Variants in DEAF1 observed in about 807,000 individuals in gnomAD.
DEAF1 encodes the protein DEAF1 transcription factor, also known as deformed epidermal autoregulatory factor 1 homolog.
Under a neutral mutation model 58.9 loss-of-function variants are expected in DEAF1, and 53 were observed. The ratio of observed to expected loss-of-function variants is 0.90; its 90% CI spans 0.72 to 1.13. The LOEUF is 1.13. DEAF1 is among the 50% of genes most tolerant of loss of function. DEAF1 has a pLI of 0.00. For synonymous variants in DEAF1, 385 were observed against 340.4 expected (o/e 1.13, Z -1.44); for missense variants, 685 against 791.4 (o/e 0.87, Z 1.61).
At chr11:675,775 G>A (rs552577952) in intron 9 of DEAF1, among the ~76,000 whole-genome samples, 3 of 152,192 alleles carry the variant, frequency 2.0e-5, no homozygotes, top group Non-Finnish European at 2.9e-5. Flanking sequence ...AGCCGAGATG[G>A]TGCCAGTGGA....
At position 680,339 on chromosome 11, in the gene DEAF1, A is replaced by G. The variant is rs536565735; in HGVS notation, c.998-523T>C. Among the ~76,000 whole-genome samples, 5 of 152,356 alleles carry G rather than the reference A, an allele frequency of 3.3e-5. No individual in the cohort carries two copies. In the East Asian group the frequency reaches 9.6e-4, roughly 29 times the overall value. On this transcript the variant is annotated intron_variant, in intron 7 of 11. Transcript: ENST00000382409. ...GGAAGGAGCTGACAGGGTGTTTTAGAAAGACCTTACTCTATAAATGCAAAA... is the reference window on the plus strand; with the variant it reads ...GGAAGGAGCTGACAGGGTGTTTTAGGAAGACCTTACTCTATAAATGCAAAA...
At chr11:702,843 C>A in intron 1 of DEAF1, 1 of 1,157,978 alleles carries the variant, frequency 8.6e-7, no homozygotes, top group Non-Finnish European at 1.2e-6. Flanking sequence ...GAACGTAGGG[C>A]AAGGAGCTGC....
intron 11 of DEAF1, among the ~76,000 whole-genome samples, chr11:647,412 G>A (rs1012350100): frequency 3.3e-5 from 5 of 151,524 alleles, no homozygotes; most frequent in African/African-American, 9.7e-5. Flanking sequence ...CCAAGATCGC[G>A]CCGCTGCACT....
intron 10 of DEAF1, among the ~76,000 whole-genome samples, chr11:661,323 A>G (rs1306482131): frequency 1.3e-5 from 2 of 151,988 alleles, no homozygotes; most frequent in Non-Finnish European, 2.9e-5. Context: ...AGCTCATTAC[A>G]TACACACGAA....
Position 644,776 on chromosome 11 carries a change from T to C in DEAF1, c.1594-122A>G, listed in dbSNP as rs539570405. 1.6e-5 allele frequency: 12 copies of C among 773,370 alleles called. No individual in the cohort carries two copies. The Admixed American group carries it at 2.2e-4, about 14-fold the overall frequency. 47.9% of individuals were successfully genotyped at this position (773,370 alleles called of 1,614,324 possible). Reference sequence around the variant, plus strand: ...TAACCTCACCTGGAGGTGCTGAGAATGCCCTCCCCAGCCCCCGTGCGCCCA... The same window carrying C: ...TAACCTCACCTGGAGGTGCTGAGAACGCCCTCCCCAGCCCCCGTGCGCCCA... On this transcript the variant is annotated intron_variant, in intron 11 of 11. Coordinates refer to ENST00000382409, the MANE Select transcript of DEAF1 (RefSeq NM_021008.4). The surrounding 1 kb of genome is among the most constrained non-coding windows in gnomAD (Gnocchi z 4.3).
chr11:679,978 C>G (rs549234441), intron 7 of DEAF1, 162 bp from the exon 8 acceptor site: 2 of 987,850 alleles, frequency 2.0e-6, no homozygotes, highest in South Asian at 1.5e-5. Flanking sequence ...AATCCCAGAC[C>G]TTGGAGAAGA....
chr11:663,562 C>T (rs757142817), intron 10 of DEAF1, among the ~76,000 whole-genome samples: 1 of 150,790 alleles, frequency 6.6e-6, no homozygotes, highest in Non-Finnish European at 1.5e-5. Flanking sequence ...CTCCTCAAAT[C>T]GCCTCAGCAA....
At chr11:659,606 G>A (rs1166004486) in intron 10 of DEAF1, among the ~76,000 whole-genome samples, 1 of 152,192 alleles carries the variant, frequency 6.6e-6, no homozygotes, top group East Asian at 1.9e-4. Context: ...GGCCCACTGT[G>A]CACAGGGGCC....
chr11:694,611 T>A (rs1861018143), intron 1 of DEAF1, 148 bp downstream of exon 1: 1 of 667,914 alleles, frequency 1.5e-6, no homozygotes, highest in Non-Finnish European at 2.1e-6. Flanking sequence ...GGGGCAGGTG[T>A]GCAGGGCGGG....
intron 1 of DEAF1, chr11:706,436 C>A (rs1861716503): frequency 1.3e-5 from 2 of 152,730 alleles, no homozygotes; most frequent in South Asian, 4.1e-4. Context: ...GCCGAGGGCG[C>A]GGGGCAAGGG....
intron 11 of DEAF1, among the ~76,000 whole-genome samples, chr11:645,744 G>A (rs1253334408): frequency 6.6e-6 from 1 of 152,220 alleles, no homozygotes; most frequent in Non-Finnish European, 1.5e-5. Flanking sequence ...CACAGAACCA[G>A]GCTCTGCCTC....
At chr11:680,321 G>A (rs1290613211) in intron 7 of DEAF1, among the ~76,000 whole-genome samples, 2 of 152,200 alleles carry the variant, frequency 1.3e-5, no homozygotes, top group Non-Finnish European at 2.9e-5. Context: ...TCAGGAAGGA[G>A]CTGACAGGGT....
intron 10 of DEAF1, among the ~76,000 whole-genome samples, chr11:671,174 C>T (rs930275810): frequency 2.0e-5 from 3 of 151,418 alleles, no homozygotes; most frequent in East Asian, 2.0e-4. Context: ...GTGATCCGCC[C>T]GCCTCGGCCT....
chr11:694,977 G>A lies in DEAF1; in HGVS notation c.71C>T (p.Ala24Val), dbSNP rs768704063. The change falls in exon 1 of 12, where the codon GCT (alanine) becomes GTT (valine). Residue 24 changes from alanine (A) to valine (V), a missense_variant. Ala to Val is a moderately conservative substitution (Grantham distance 64). Around this residue, in one of 3 missense-constraint regions of DEAF1, gnomAD observed 210 missense variants for 177.3 expected, o/e 1.18. Transcript: ENST00000382409. ...AEAAAVAAAA[A>V]VAAAAAAAAG... ...CGCGGCCGCGGCCGCCGCCGCCACA[G>A]CGGCCGCGGCCGCCACCGCCGCCGC... 9.3e-7 allele frequency: 1 copy of A among 1,071,200 alleles called. No homozygotes were observed. The highest frequency in any genetic ancestry group is 1.1e-6 in the Non-Finnish European group (1 of 879,506). The allele number at this position is 1,071,200 out of a possible 1,614,324, so 66.4% of individuals were successfully genotyped here.
intron 2 of DEAF1, among the ~76,000 whole-genome samples, chr11:689,208 T>C (rs532055142): frequency 8.4e-5 from 12 of 142,544 alleles, no homozygotes; most frequent in Non-Finnish European, 1.5e-4. Flanking sequence ...TTTTCTTTTT[T>C]TTTTTTTTTT....
chr11:680,366 C>T (rs1364713763), intron 7 of DEAF1, among the ~76,000 whole-genome samples: 1 of 152,220 alleles, frequency 6.6e-6, no homozygotes, highest in African/African-American at 2.4e-5. Flanking sequence ...AATGCAAAAA[C>T]CCAGACTTAG....
chr11:657,614 G>A (rs1859120503), intron 10 of DEAF1, among the ~76,000 whole-genome samples: 1 of 152,192 alleles, frequency 6.6e-6, no homozygotes, highest in Non-Finnish European at 1.5e-5. Context: ...CTGTCACCAA[G>A]GAGACACCTA....
In DEAF1 at chr11:694,795, C is replaced by A; in HGVS notation, c.253G>T (p.Gly85Cys). ...HMDMGAEALP[G>C]PDEAAAAAAF... ...GCGGCAGCGGCGGCCTCGTCGGGGC[C>A]GGGCAGGGCCTCGGCGCCCATGTCC... The change falls in exon 1 of 12, where the codon GGC becomes TGC. Residue 85 changes from glycine (G) to cysteine (C), a missense_variant. Gly to Cys is a radical substitution (Grantham distance 159). Coordinates refer to ENST00000382409, the MANE Select transcript of DEAF1 (RefSeq NM_021008.4). The A allele has an allele frequency of 7.3e-7, 1 of 1,376,950 alleles. No homozygotes were observed. Among genetic ancestry groups the A allele is most frequent in the South Asian group, 1.7e-5 (1 of 59,996 alleles). The allele number at this position is 1,376,950 out of a possible 1,614,324, so 85.3% of individuals were successfully genotyped here.
At chr11:678,033 C>A (rs1039921783) in intron 9 of DEAF1, among the ~76,000 whole-genome samples, 1 of 151,030 alleles carries the variant, frequency 6.6e-6, no homozygotes. Flanking sequence ...ACCTGTAATC[C>A]CAGCACTTTG....
Sources: allele counts gnomAD v4.1 joint callset (sites outside exome capture counted in the v4.1 genomes callset), GRCh38; gene constraint gnomAD v4.1.1; regional missense constraint gnomAD v4.1.1; non-coding constraint Gnocchi (gnomAD v3.1); transcripts MANE v1.5; gene names NCBI Gene and HGNC (gene_info 2026-07-23, HGNC 2026-07-21).